Variants in TRPC6 observed in about 807,000 individuals in gnomAD.
TRPC6 encodes short transient receptor potential channel 6.
In TRPC6, 55 loss-of-function variants were observed where a neutral mutation model predicts 90.7. The observed-to-expected ratio is 0.61, with a 90% CI of 0.49 to 0.76. TRPC6 has a LOEUF of 0.76. Among genes scored for constraint, TRPC6 ranks in the 30% least tolerant of loss-of-function variants. The pLI, the probability that TRPC6 is intolerant of heterozygous loss-of-function variation, is 0.00. For synonymous variants in TRPC6, 393 were observed against 393.0 expected, an observed-to-expected ratio of 1.00 and a Z score of 0.00; for missense variants, 989 against 1,122.7, an observed-to-expected ratio of 0.88 and a Z score of 1.70.
chr11:101,478,928 T>C (rs1374210322), intron 5 of TRPC6, among the ~76,000 whole-genome samples: 1 of 152,196 alleles, frequency 6.6e-6, no homozygotes, highest in African/African-American at 2.4e-5. Context: ...TGTTTTTCTC[T>C]AGCAGAGGCA....
intron 4 of TRPC6, 86 bp from the exon 5 acceptor site, chr11:101,483,251 C>A: frequency 7.7e-7 from 1 of 1,300,042 alleles, no homozygotes; most frequent in Non-Finnish European, 1.1e-6. Context: ...GAATAAACAT[C>A]TGCACATTCC....
rs1255587980 is a variant in TRPC6, at chr11:101,540,989, G to A, written c.171-36191C>T. 2.6e-5 allele frequency among the ~76,000 whole-genome samples: 4 copies of A among 152,102 alleles called. No homozygotes were observed. In the South Asian group the frequency reaches 8.3e-4, roughly 32 times the overall value. ...TATTTTGAAACTTGCTTAATGCATA[G>A]GAGAAACAAAATCAGGCTAGAAATG... On this transcript the variant is annotated intron_variant, in intron 1 of 12. Transcript: ENST00000344327.
At chr11:101,490,579 C>T (rs1859781551) in intron 3 of TRPC6, among the ~76,000 whole-genome samples, 1 of 152,024 alleles carries the variant, frequency 6.6e-6, no homozygotes, top group Non-Finnish European at 1.5e-5. Flanking sequence ...CTGCAGTCTC[C>T]CAAATAGCTG....
At chr11:101,475,458 G>C (rs1164753832) in intron 6 of TRPC6, among the ~76,000 whole-genome samples, 1 of 152,016 alleles carries the variant, frequency 6.6e-6, no homozygotes, top group East Asian at 1.9e-4. Flanking sequence ...CAATTTTCAA[G>C]TATACAGTAC....
intron 1 of TRPC6, among the ~76,000 whole-genome samples, chr11:101,554,851 T>G (rs772130190): frequency 3.9e-5 from 6 of 152,162 alleles, no homozygotes; most frequent in Non-Finnish European, 8.8e-5. Flanking sequence ...TTCCTTGCCC[T>G]AGCTTGTCCT....
intron 1 of TRPC6, among the ~76,000 whole-genome samples, chr11:101,523,538 A>G (rs1253466035): frequency 2.0e-5 from 3 of 152,240 alleles, no homozygotes; most frequent in Admixed American, 6.5e-5. Flanking sequence ...AGCAGAAATA[A>G]AATATAGATT....
At chr11:101,572,734 C>G (rs1565251888) in intron 1 of TRPC6, among the ~76,000 whole-genome samples, 2 of 152,108 alleles carry the variant, frequency 1.3e-5, no homozygotes, top group African/African-American at 4.8e-5. Flanking sequence ...TGGAAACCAT[C>G]ACTCTCAGCA....
chr11:101,470,074 CA>C (rs1859253080), intron 9 of TRPC6, among the ~76,000 whole-genome samples: 1 of 152,124 alleles, frequency 6.6e-6, no homozygotes, highest in Admixed American at 6.6e-5. Context: ...ACTTTATAAT[CA>C]TTTGGCCCAA....
intron 10 of TRPC6, among the ~76,000 whole-genome samples, chr11:101,465,826 C>CCCTTGGTGGTG (rs1333308880): frequency 6.6e-6 from 1 of 152,104 alleles, no homozygotes; most frequent in Non-Finnish European, 1.5e-5. Context: ...TGGTTTTGTT[C>CCCTTGGTGGTG]CCTTGGTGGT....
intron 1 of TRPC6, among the ~76,000 whole-genome samples, chr11:101,570,998 T>C (rs955966492): frequency 3.9e-5 from 6 of 152,156 alleles, no homozygotes; most frequent in East Asian, 1.9e-4. Flanking sequence ...CTATTCAACA[T>C]AGTATTGGAA....
intron 1 of TRPC6, among the ~76,000 whole-genome samples, chr11:101,576,416 G>A (rs1862070963): frequency 6.6e-6 from 1 of 152,168 alleles, no homozygotes; most frequent in Non-Finnish European, 1.5e-5. Flanking sequence ...AATCATATAG[G>A]TTGTTTGAGT....
chr11:101,517,901 T>C (rs185324217), intron 1 of TRPC6, among the ~76,000 whole-genome samples: 18 of 152,346 alleles, frequency 1.2e-4, no homozygotes, highest in African/African-American at 3.8e-4. Context: ...AATTTTCTTA[T>C]GATGAAGATC....
chr11:101,453,531 A>C (rs1185296602), intron 12 of TRPC6, 119 bp downstream of exon 12: 2 of 996,304 alleles, frequency 2.0e-6, no homozygotes, highest in African/African-American at 3.2e-5. Context: ...ATCCTGTTCT[A>C]CTTTTCCCCT....
At chr11:101,573,883 A>AAAAAATCAGAAAC (rs1555015109) in intron 1 of TRPC6, among the ~76,000 whole-genome samples, 3 of 150,356 alleles carry the variant, frequency 2.0e-5, no homozygotes, top group Admixed American at 6.6e-5. Context: ...AATCCTGGGA[A>AAAAAATCAGAAAC]CAGTAGTGAA....
At chr11:101,457,122 T>C (rs1489479182) in intron 10 of TRPC6, among the ~76,000 whole-genome samples, 1 of 152,040 alleles carries the variant, frequency 6.6e-6, no homozygotes, top group Non-Finnish European at 1.5e-5. Context: ...TATTTAAAGC[T>C]TAGGGATTTG....
Position 101,583,779 on chromosome 11 carries a change from C to T in TRPC6, c.-276G>A, listed in dbSNP as rs1015092035. On this transcript the variant is annotated 5_prime_UTR_variant, in exon 1 of 13. Transcript: ENST00000344327. ...CCCGCGAGGATGCGTCTGGGGCGCC[C>T]GGGCAGAGAGGGCACAGGCGGGGCC... 24 of 370,294 alleles carry T rather than the reference C, an allele frequency of 6.5e-5. No individual in the cohort carries two copies. In the East Asian group the frequency reaches 9.6e-4, roughly 15 times the overall value. 22.9% of individuals were successfully genotyped at this position (370,294 alleles called of 1,614,324 possible). A position where few individuals can be genotyped will look rare whatever the true frequency, so the allele number is the denominator to read the frequency against.
At chr11:101,582,895 C>A (rs570868670) in intron 1 of TRPC6, among the ~76,000 whole-genome samples, 1 of 152,032 alleles carries the variant, frequency 6.6e-6, no homozygotes, top group Non-Finnish European at 1.5e-5. Context: ...AGCTCCAACC[C>A]TTGGAGTTCT....
chr11:101,495,219 A>G (rs1859914246), intron 2 of TRPC6, among the ~76,000 whole-genome samples: 1 of 152,200 alleles, frequency 6.6e-6, no homozygotes, highest in African/African-American at 2.4e-5. Flanking sequence ...TATAAAAGAT[A>G]CCCGTTAAAA....
chr11:101,459,904 C>G (rs751590647), intron 10 of TRPC6, among the ~76,000 whole-genome samples: 4 of 152,058 alleles, frequency 2.6e-5, no homozygotes, highest in South Asian at 2.1e-4. Context: ...TTTCAAAGTA[C>G]CAATTTAATC....
Sources: allele counts gnomAD v4.1 joint callset (sites outside exome capture counted in the v4.1 genomes callset), GRCh38; gene constraint gnomAD v4.1.1; transcripts MANE v1.5; gene names NCBI Gene and HGNC (gene_info 2026-07-23, HGNC 2026-07-21).